The following CTXN2 variants were observed in gnomAD, a reference collection of about 807,000 sequenced individuals.
The protein encoded by CTXN2 is cortexin 2.
In CTXN2, 3 loss-of-function variants were observed where a neutral mutation model predicts 5.7. The ratio of observed to expected loss-of-function variants is 0.53; its 90% confidence interval spans 0.24 to 1.36. The LOEUF is 1.36. Ranked by LOEUF, CTXN2 falls within the 40% of genes most tolerant of loss-of-function variation. The probability of loss-of-function intolerance (pLI) is 0.17; values close to 1 mark genes in which losing one functional copy is unlikely to be tolerated. For synonymous variants in CTXN2, 38 were observed against 36.4 expected (o/e 1.04, Z -0.16); for missense variants, 87 against 93.0 (o/e 0.94, Z 0.26).
upstream of CTXN2, among the ~76,000 whole-genome samples, chr15:48,187,291 C>A (rs1400926131): frequency 6.6e-6 from 1 of 150,460 alleles, no homozygotes; most frequent in Admixed American, 6.6e-5. Flanking sequence ...TAGCTAATTA[C>A]CAAACATCAT....
At chr15:48,185,608 C>T (rs569364032) in intron 1 of CTXN2, among the ~76,000 whole-genome samples, 24 of 152,142 alleles carry the variant, frequency 1.6e-4, no homozygotes, top group South Asian at 4.2e-4. Context: ...ATAAAAGTTA[C>T]GACATATATT....
chr15:48,198,431 G>A (rs1490957007), intron 1 of CTXN2, among the ~76,000 whole-genome samples: 1 of 152,034 alleles, frequency 6.6e-6, no homozygotes, highest in Non-Finnish European at 1.5e-5. Context: ...TACCTACAGT[G>A]TGCTGGGAAC....
upstream of CTXN2, among the ~76,000 whole-genome samples, chr15:48,187,469 T>A (rs951225490): frequency 5.3e-5 from 8 of 152,190 alleles, no homozygotes; most frequent in African/African-American, 1.9e-4. Flanking sequence ...TTAAAATATT[T>A]TAGTTAAGGA....
upstream of CTXN2, chr15:48,190,968 T>C (rs1431612737): frequency 2.0e-5 from 3 of 152,302 alleles, no homozygotes; most frequent in African/African-American, 7.2e-5. Context: ...GAGCGTTTCC[T>C]GGCTGCTATT....
At chr15:48,191,941 C>T in intron 1 of CTXN2, 88 bp downstream of exon 1, 1 of 411,276 alleles carries the variant, frequency 2.4e-6, no homozygotes, top group South Asian at 1.8e-5. Flanking sequence ...AGATGAGAAG[C>T]ATGTCCTCAT....
chr15:48,201,863 C>A lies in CTXN2; in HGVS notation c.*317C>A. 1 of 311,920 alleles carries A rather than the reference C, an allele frequency of 3.2e-6. No homozygotes were observed. The highest frequency in any genetic ancestry group is 6.3e-6 in the Non-Finnish European group (1 of 158,096). The allele number at this position is 311,920 out of a possible 1,614,324, so 19.3% of individuals were successfully genotyped here. On this transcript the variant is annotated 3_prime_UTR_variant, in exon 2 of 2. Coordinates refer to ENST00000417307, the MANE Select transcript of CTXN2 (RefSeq NM_001145668.2). ...TTGTGCTAATAAACTGTGCCAAAGG[C>A]ATCTTGCTCTCTCCCCTCTGAAAAG...
intron 1 of CTXN2, among the ~76,000 whole-genome samples, chr15:48,180,239 T>C (rs1406546597): frequency 6.6e-6 from 1 of 152,210 alleles, no homozygotes; most frequent in Non-Finnish European, 1.5e-5. Context: ...AGCTTGGTTC[T>C]AGTCCTGATA....
At chr15:48,196,943 A>T (rs996303711) in intron 1 of CTXN2, among the ~76,000 whole-genome samples, 1 of 151,924 alleles carries the variant, frequency 6.6e-6, no homozygotes, top group African/African-American at 2.4e-5. Flanking sequence ...ATTGTCTGAA[A>T]ATGAGATTTT....
At chr15:48,192,829 GTTCT>G (rs573574265) in intron 1 of CTXN2, among the ~76,000 whole-genome samples, 118 of 152,238 alleles carry the variant, frequency 7.8e-4, no homozygotes, top group African/African-American at 2.7e-3. Flanking sequence ...AACACAGGAG[GTTCT>G]TTCTTTAATG....
intron 1 of CTXN2, among the ~76,000 whole-genome samples, chr15:48,192,678 TA>T (rs774335972): frequency 2.2e-4 from 33 of 152,314 alleles, no homozygotes; most frequent in Non-Finnish European, 4.0e-4. Context: ...CAGTAGAGAT[TA>T]TTATATCTAA....
At chr15:48,183,999 T>C (rs988900418) in intron 1 of CTXN2, among the ~76,000 whole-genome samples, 18 of 152,346 alleles carry the variant, frequency 1.2e-4, no homozygotes, top group African/African-American at 4.3e-4. Flanking sequence ...TCGGGACAGT[T>C]ACATAGGAAC....
At chr15:48,178,541 T>C in intron 1 of CTXN2, 1 of 329,390 alleles carries the variant, frequency 3.0e-6, no homozygotes, top group African/African-American at 2.1e-5. Context: ...GGTGGTGCCA[T>C]GTCTGCCCAC....
At chr15:48,197,283 C>A (rs2040888848) in intron 1 of CTXN2, among the ~76,000 whole-genome samples, 1 of 151,974 alleles carries the variant, frequency 6.6e-6, no homozygotes, top group African/African-American at 2.4e-5. Flanking sequence ...TCATTCAGGG[C>A]AAATATTGTC....
In CTXN2 at chr15:48,203,258, G is replaced by C. The variant is rs2040942103; in HGVS notation, c.*1712G>C. 6.0e-6 allele frequency: 1 copy of C among 167,056 alleles called. No individual in the cohort carries two copies. Among genetic ancestry groups the C allele is most frequent in the African/African-American group, 2.4e-5 (1 of 41,424 alleles). 10.3% of individuals were successfully genotyped at this position (167,056 alleles called of 1,614,324 possible). A position where few individuals can be genotyped will look rare whatever the true frequency, so the allele number is the denominator to read the frequency against. On this transcript the variant is annotated 3_prime_UTR_variant, in exon 2 of 2. Transcript: ENST00000417307. ...GGTCTATGGAATTCCAAAACCAGCT[G>C]TCTCTGTGAGATTCCTTGATGCTTT...
intron 1 of CTXN2, among the ~76,000 whole-genome samples, chr15:48,181,255 A>T (rs964201858): frequency 1.3e-5 from 2 of 152,260 alleles, no homozygotes; most frequent in Non-Finnish European, 2.9e-5. Context: ...GTCATCGTGA[A>T]GTCAGGTTCC....
At chr15:48,191,069 C>G (rs1166167834), upstream of CTXN2, 1 of 152,284 alleles carries the variant, frequency 6.6e-6, no homozygotes, top group Non-Finnish European at 1.5e-5. Context: ...CTCCTAGAAA[C>G]GGAAGGGGAT....
Position 48,201,848 on chromosome 15 carries a change from A to G in CTXN2, c.*302A>G, listed in dbSNP as rs1452404715. ...TTTCTGCTTCCTTTCTTGTGCTAAT[A>G]AACTGTGCCAAAGGCATCTTGCTCT... On this transcript the variant is annotated 3_prime_UTR_variant, in exon 2 of 2. Transcript: ENST00000417307. 3 of 354,292 alleles carry G rather than the reference A, an allele frequency of 8.5e-6. No homozygotes were observed. Among genetic ancestry groups the G allele is most frequent in the African/African-American group, 6.3e-5 (3 of 47,670 alleles). 21.9% of individuals were successfully genotyped at this position (354,292 alleles called of 1,614,324 possible).
chr15:48,182,030 T>C (rs1342373197), intron 1 of CTXN2, among the ~76,000 whole-genome samples: 1 of 152,216 alleles, frequency 6.6e-6, no homozygotes, highest in Admixed American at 6.5e-5. Flanking sequence ...CATTGGTTAC[T>C]ATCAAGTAGA....
rs1389196122 is a variant in CTXN2, at chr15:48,203,148, T to G, written c.*1602T>G. 1 of 167,082 alleles carries G rather than the reference T, an allele frequency of 6.0e-6. No individual in the cohort carries two copies. Among genetic ancestry groups the G allele is most frequent in the Non-Finnish European group, 1.5e-5 (1 of 68,104 alleles). The allele number at this position is 167,082 out of a possible 1,614,324, so 10.3% of individuals were successfully genotyped here. ...GCTAGGGAATGGTTATGTTAGGGAT[T>G]GAACTTGGGCAGTTTGATTTCTGCT... On this transcript the variant is annotated 3_prime_UTR_variant, in exon 2 of 2. Coordinates refer to ENST00000417307, the MANE Select transcript of CTXN2 (RefSeq NM_001145668.2).
Sources: allele counts gnomAD v4.1 joint callset (sites outside exome capture counted in the v4.1 genomes callset), GRCh38; gene constraint gnomAD v4.1.1; transcripts MANE v1.5; gene names NCBI Gene and HGNC (gene_info 2026-07-23, HGNC 2026-07-21).